Variants in SYTL3 observed in about 807,000 individuals in gnomAD.
SYTL3 encodes the protein synaptotagmin-like protein 3.
In SYTL3, 88 loss-of-function variants were observed where a neutral mutation model predicts 82.1. The ratio of observed to expected loss-of-function variants is 1.07; its 90% confidence interval spans 0.90 to 1.28. The LOEUF (loss-of-function observed/expected upper bound fraction) is 1.28. Among genes scored for constraint, SYTL3 ranks in the 50% most tolerant of loss-of-function variants. The probability of loss-of-function intolerance (pLI) is 0.00; values close to 1 mark genes in which losing one functional copy is unlikely to be tolerated. For missense variants in SYTL3, 831 were observed against 757.6 expected (o/e 1.10, Z -1.14); for synonymous variants, 311 against 289.4 (o/e 1.07, Z -0.76).
intron 4 of SYTL3, among the ~76,000 whole-genome samples, chr6:158,664,813 AAG>A (rs1276480465): frequency 1.3e-5 from 2 of 152,188 alleles, no homozygotes; most frequent in African/African-American, 4.8e-5. Context: ...ACATTCATAA[AAG>A]AGCGTGCTAG....
chr6:158,752,088 G>A (rs1788472392), intron 13 of SYTL3, 58 bp downstream of exon 13: 7 of 1,265,952 alleles, frequency 5.5e-6, no homozygotes. Context: ...TGGAGCGCCT[G>A]GGGCAGAGTC....
chr6:158,760,028 C>G (rs576712002), intron 14 of SYTL3, among the ~76,000 whole-genome samples: 8 of 152,242 alleles, frequency 5.3e-5, no homozygotes, highest in African/African-American at 1.9e-4. Flanking sequence ...ATACTCTCCT[C>G]CCACCCCACT....
Position 158,763,303 on chromosome 6 carries a change from G to GCTGTCTCACT in SYTL3, c.1521_1530dup (p.Pro511SerfsTer106), listed in dbSNP as rs759260054. On this transcript the variant is annotated frameshift_variant and splice_region_variant. Coordinates refer to ENST00000611299, the MANE Select transcript of SYTL3 (RefSeq NM_001242394.2). LOFTEE classifies it high-confidence loss of function. ...TTGCAGGGTTTGTGTTCCCTCTTCAGCTGTCTCACTCTGCCAGACCAACAA... is the reference window on the plus strand; with the variant it reads ...TTGCAGGGTTTGTGTTCCCTCTTCAGCTGTCTCACTCTGTCTCACTCTGCCAGACCAACAA... 1 of 1,614,094 alleles carries GCTGTCTCACT rather than the reference G, an allele frequency of 6.2e-7. No individual in the cohort carries two copies. Among genetic ancestry groups the GCTGTCTCACT allele is most frequent in the Middle Eastern group, 1.7e-4 (1 of 6,030 alleles).
intron 6 of SYTL3, among the ~76,000 whole-genome samples, chr6:158,685,017 T>C (rs1350828418): frequency 6.6e-6 from 1 of 152,092 alleles, no homozygotes; most frequent in African/African-American, 2.4e-5. Context: ...ACCATAACCT[T>C]TTGATATCAC....
At chr6:158,734,602 A>T (rs1262974897) in intron 11 of SYTL3, among the ~76,000 whole-genome samples, 1 of 151,970 alleles carries the variant, frequency 6.6e-6, no homozygotes, top group East Asian at 1.9e-4. Context: ...CCCTTCCTTT[A>T]AGGCTTTGTT....
chr6:158,649,276 A>C (rs1402143950), upstream of SYTL3, among the ~76,000 whole-genome samples: 1 of 152,254 alleles, frequency 6.6e-6, no homozygotes, highest in African/African-American at 2.4e-5. Flanking sequence ...GACAGCAAAC[A>C]TTTATTTGCC....
intron 2 of SYTL3, among the ~76,000 whole-genome samples, chr6:158,657,840 A>AAT (rs1554237330): frequency 2.6e-5 from 2 of 78,392 alleles, no homozygotes; most frequent in African/African-American, 7.0e-5. Flanking sequence ...AATGAAACAA[A>AAT]ATAGTCTTCC....
intron 12 of SYTL3, among the ~76,000 whole-genome samples, chr6:158,748,089 C>T (rs3123091): frequency 0.43 from 38,576 of 90,338 alleles, 5,434 homozygotes; most frequent in African/African-American, 0.55. Context: ...TTTTTTTTTT[C>T]CCCACACTTA....
In SYTL3 at chr6:158,713,825, G is replaced by A; in HGVS notation, c.542G>A (p.Gly181Glu). The A allele has an allele frequency of 6.4e-7, 1 of 1,550,390 alleles. No homozygotes were observed. Residue 181 changes from glycine (G) to glutamate (E), a missense_variant, in exon 9 of 18, where the codon GGA (glycine) becomes GAA (glutamate). Coordinates refer to ENST00000611299, the MANE Select transcript of SYTL3 (RefSeq NM_001242394.2). ...GRLQEFGQFRGFNKSVENLFL... is the reference protein window; with the variant it reads ...GRLQEFGQFREFNKSVENLFL... ...TTACAGGAATTTGGTCAGTTTAGAG[G>A]ATTTAATAAGTCCGTGGAAAATTTG...
intron 6 of SYTL3, among the ~76,000 whole-genome samples, chr6:158,702,521 G>A (rs577263767): frequency 1.3e-5 from 2 of 151,428 alleles, no homozygotes; most frequent in Non-Finnish European, 2.9e-5. Flanking sequence ...CAGCCTGAGT[G>A]ACAGAGTAAA....
chr6:158,680,990 A>T (rs1778629170), intron 5 of SYTL3, among the ~76,000 whole-genome samples: 1 of 152,206 alleles, frequency 6.6e-6, no homozygotes, highest in Non-Finnish European at 1.5e-5. Context: ...GCAAGCATTA[A>T]TTTTCTAAAA....
At position 158,663,112 on chromosome 6, in the gene SYTL3, A is replaced by G. The variant is rs1226643272; in HGVS notation, c.-157A>G. ...GAGTATGACACAGTTAAAAAGGAAA[A>G]AAGAACCACAAGCAAAACAGTTGCC... On this transcript the variant is annotated 5_prime_UTR_variant, in exon 4 of 18. Coordinates refer to ENST00000611299, the MANE Select transcript of SYTL3 (RefSeq NM_001242394.2). 8.0e-6 allele frequency: 5 copies of G among 622,902 alleles called. No individual in the cohort carries two copies. The highest frequency in any genetic ancestry group is 2.8e-6 in the Non-Finnish European group (1 of 355,554). The allele number at this position is 622,902 out of a possible 1,614,324, so 38.6% of individuals were successfully genotyped here.
At chr6:158,685,905 C>G (rs1289568831) in intron 6 of SYTL3, among the ~76,000 whole-genome samples, 1 of 152,190 alleles carries the variant, frequency 6.6e-6, no homozygotes, top group Non-Finnish European at 1.5e-5. Context: ...TTTTCCACAT[C>G]AATTCCTAGC....
At chr6:158,728,892 T>C (rs903431032) in intron 11 of SYTL3, among the ~76,000 whole-genome samples, 5 of 152,048 alleles carry the variant, frequency 3.3e-5, no homozygotes, top group Non-Finnish European at 7.4e-5. Context: ...CACAAAAAAT[T>C]AGCCAGGCGT....
intron 14 of SYTL3, among the ~76,000 whole-genome samples, chr6:158,758,177 T>A (rs1437637611): frequency 6.6e-6 from 1 of 152,140 alleles, no homozygotes; most frequent in Non-Finnish European, 1.5e-5. Flanking sequence ...ACGGTGGCTC[T>A]TGACTGTAAT....
Position 158,693,855 on chromosome 6 carries a change from C to CTTTTCTTTTCTTTTCTTT in SYTL3, c.394+10870_394+10871insCTTTTCTTTTCTTTTTTT, listed in dbSNP as rs71030191. Among the ~76,000 whole-genome samples the CTTTTCTTTTCTTTTCTTT allele has an allele frequency of 3.9e-3, 379 of 96,856 alleles. 24 individuals carry two copies. The highest frequency in any genetic ancestry group is 0.016 in the South Asian group (50 of 3,078). 63.5% of individuals were successfully genotyped at this position (96,856 alleles called of 152,430 possible). On this transcript the variant is annotated intron_variant, in intron 6 of 17. Transcript: ENST00000611299. Reference sequence around the variant, plus strand: ...TGCATCCAGCCTTTCTTTTTCTTTTCTTTTTTTTTTTTTTTTTTGTAGATA... The same window carrying CTTTTCTTTTCTTTTCTTT: ...TGCATCCAGCCTTTCTTTTTCTTTTCTTTTCTTTTCTTTTCTTTTTTTTTTTTTTTTTTTTTGTAGATA...
intron 6 of SYTL3, among the ~76,000 whole-genome samples, chr6:158,704,520 A>T (rs78469878): frequency 7.9e-5 from 12 of 152,370 alleles, no homozygotes; most frequent in Non-Finnish European, 1.8e-4. Flanking sequence ...GGGGGATAGC[A>T]GGAGGAGACG....
chr6:158,707,471 A>G (rs1278470995), intron 7 of SYTL3, among the ~76,000 whole-genome samples, 190 bp downstream of exon 7: 1 of 152,092 alleles, frequency 6.6e-6, no homozygotes, highest in Non-Finnish European at 1.5e-5. Context: ...GATTCTCATG[A>G]GAAACCTTCT....
rs753332449 is a variant in SYTL3 at position 158,665,518 on chromosome 6, C to G, written c.234C>G (p.Ala78=). 7 of 1,593,666 alleles carry G rather than the reference C, an allele frequency of 4.4e-6. No homozygotes were observed. The highest frequency in any genetic ancestry group is 1.7e-4 in the Middle Eastern group (1 of 6,052). ...TGGGGTTCCTGCTGCACCGGGGCGC[C>G]GTGTGCCGGGGCTGCAGCCACCGCG... ...QVLGFLLHRG[A]VCRGCSHRVC... The change falls in exon 5 of 18, where the codon GCC becomes GCG. Residue 78 remains alanine, a synonymous_variant. Coordinates refer to ENST00000611299, the MANE Select transcript of SYTL3 (RefSeq NM_001242394.2).
Sources: allele counts gnomAD v4.1 joint callset (sites outside exome capture counted in the v4.1 genomes callset), GRCh38; gene constraint gnomAD v4.1.1; transcripts MANE v1.5; gene names NCBI Gene and HGNC (gene_info 2026-07-23, HGNC 2026-07-21).